PHEX: variants seen among roughly 807,000 people sequenced by gnomAD.
PHEX encodes phosphate regulating endopeptidase X-linked.
A neutral mutation model predicts 68.0 loss-of-function variants in PHEX; 16 were observed. The observed-to-expected ratio is 0.24, with a 90% CI of 0.16 to 0.36. The LOEUF (loss-of-function observed/expected upper bound fraction) is 0.36, where lower values mean the gene tolerates loss of function less well. Ranked by LOEUF, PHEX falls within the 10% of genes least tolerant of loss-of-function variation. The probability of loss-of-function intolerance (pLI) is 1.00; values close to 1 mark genes in which losing one functional copy is unlikely to be tolerated. For missense variants in PHEX, 480 were observed against 575.5 expected, an observed-to-expected ratio of 0.83 and a Z score of 1.70; for synonymous variants, 208 against 205.1, an observed-to-expected ratio of 1.01 and a Z score of -0.12.
intron 12 of PHEX, among the ~76,000 whole-genome samples, chrX:22,156,257 G>A (rs750452657): frequency 9.0e-6 from 1 of 110,627 alleles, no homozygotes; most frequent in East Asian, 2.9e-4. Flanking sequence ...GGACCTAACA[G>A]AAAGTCAGGC....
chrX:22,131,983 C>T (rs1157369453), intron 11 of PHEX, among the ~76,000 whole-genome samples: 1 of 112,358 alleles, frequency 8.9e-6, no homozygotes, highest in Non-Finnish European at 1.9e-5. Flanking sequence ...ACACCGGCAG[C>T]AAAGCCAGGC....
At chrX:22,093,883 G>T (rs751780198) in intron 6 of PHEX, 100 bp from the exon 7 acceptor site, 8 of 543,671 alleles carry the variant, frequency 1.5e-5, no homozygotes, top group South Asian at 1.1e-4. Flanking sequence ...GAAAATAAAA[G>T]ACATTTATTT....
intron 7 of PHEX, 23 bp from the exon 8 acceptor site, chrX:22,096,932 T>C (rs778909953): frequency 7.0e-6 from 8 of 1,135,504 alleles, no homozygotes; most frequent in Non-Finnish European, 9.7e-6. Flanking sequence ...TGAAAAAAAA[T>C]AACAAAAATC....
intron 12 of PHEX, among the ~76,000 whole-genome samples, chrX:22,141,778 A>T (rs926152145): frequency 8.9e-6 from 1 of 112,374 alleles, no homozygotes; most frequent in Non-Finnish European, 1.9e-5. Flanking sequence ...AAAAAGTTCT[A>T]GTTCCATCAT....
At chrX:22,108,316 C>G (rs1288063905) in intron 9 of PHEX, among the ~76,000 whole-genome samples, 1 of 110,788 alleles carries the variant, frequency 9.0e-6, no homozygotes, top group African/African-American at 3.3e-5. Context: ...AATAATTAGG[C>G]TTTATACAGA....
intron 12 of PHEX, among the ~76,000 whole-genome samples, chrX:22,138,013 GC>G (rs770723451): frequency 1.8e-5 from 2 of 112,507 alleles, no homozygotes; most frequent in East Asian, 5.6e-4. Flanking sequence ...GGCTCTGGGA[GC>G]TTTTCCAATG....
chrX:22,209,818 C>T lies in PHEX; in HGVS notation c.1646-3086C>T, dbSNP rs908094319. Among the ~76,000 whole-genome samples the T allele has an allele frequency of 5.7e-5, 6 of 105,677 alleles. No homozygotes were observed. The East Asian group carries it at 1.5e-3, about 26-fold the overall frequency. 91.8% of individuals were successfully genotyped at this position (105,677 alleles called of 115,157 possible). A position where few individuals can be genotyped will look rare whatever the true frequency, so the allele number is the denominator to read the frequency against. On this transcript the variant is annotated intron_variant, in intron 15 of 21. Transcript: ENST00000379374. ...CTCCCTCTCCCTCTCCCTCTCCTCCCTCTGTCTCCTCCCCCACCTCCACAG... is the reference window on the plus strand; with the variant it reads ...CTCCCTCTCCCTCTCCCTCTCCTCCTTCTGTCTCCTCCCCCACCTCCACAG...
intron 3 of PHEX, among the ~76,000 whole-genome samples, chrX:22,075,712 A>C (rs1771964842): frequency 8.9e-6 from 1 of 112,226 alleles, no homozygotes; most frequent in African/African-American, 3.2e-5. Flanking sequence ...TTTTATAAAT[A>C]GAAAATTATT....
intron 9 of PHEX, among the ~76,000 whole-genome samples, chrX:22,110,388 A>AT (rs958292410): frequency 8.9e-6 from 1 of 111,750 alleles, no homozygotes; most frequent in African/African-American, 3.3e-5. Flanking sequence ...AAGTAAGATA[A>AT]TTTTTTTTGA....
chrX:22,073,427 G>A (rs1181797696), intron 3 of PHEX, among the ~76,000 whole-genome samples: 2 of 111,541 alleles, frequency 1.8e-5, no homozygotes, highest in Non-Finnish European at 3.8e-5. Flanking sequence ...ATTCCAGCTA[G>A]CAAGTTGCAG....
At chrX:22,238,203 C>T (rs761890525) in intron 20 of PHEX, among the ~76,000 whole-genome samples, 3 of 111,795 alleles carry the variant, frequency 2.7e-5, no homozygotes, top group Non-Finnish European at 3.8e-5. Flanking sequence ...ACACAGAAGG[C>T]GGGTGATTTC....
intron 12 of PHEX, among the ~76,000 whole-genome samples, chrX:22,160,651 G>C (rs1276787688): frequency 9.0e-6 from 1 of 110,532 alleles, no homozygotes; most frequent in Non-Finnish European, 1.9e-5. Context: ...ACTATCAAGA[G>C]AACAGCACAG....
intron 21 of PHEX, among the ~76,000 whole-genome samples, chrX:22,247,617 T>A (rs949429511): frequency 1.8e-5 from 2 of 112,401 alleles, no homozygotes; most frequent in African/African-American, 6.5e-5. Context: ...AAAAGAATTT[T>A]GAAGACTGTT....
At chrX:22,153,167 T>C (rs2147104458) in intron 12 of PHEX, among the ~76,000 whole-genome samples, 1 of 110,839 alleles carries the variant, frequency 9.0e-6, no homozygotes, top group East Asian at 2.9e-4. Flanking sequence ...AATTTATTTT[T>C]TTGTAAAGAT....
chrX:22,094,054 G>C lies in PHEX; in HGVS notation c.804G>C (p.Glu268Asp). ...VLLGANSSRAEHDMKSVLRLE... is the reference protein window; with the variant it reads ...VLLGANSSRADHDMKSVLRLE... The stretch of plus-strand genomic sequence containing the variant: ...TAGGAGCTAACAGTTCCAGAGCAGA[G>C]CATGACATGAAGTCAGTGCTCAGAT... The change falls in exon 7 of 22, where the codon GAG becomes GAC. Residue 268 changes from glutamate to aspartate, a missense_variant. Glu to Asp is a conservative substitution (Grantham distance 45). Coordinates refer to ENST00000379374, the MANE Select transcript of PHEX (RefSeq NM_000444.6). 8.3e-7 allele frequency: 1 copy of C among 1,199,994 alleles called. No individual in the cohort carries two copies. Among genetic ancestry groups the C allele is most frequent in the Non-Finnish European group, 1.1e-6 (1 of 885,614 alleles).
chrX:22,106,360 T>C (rs1219948384), intron 9 of PHEX, among the ~76,000 whole-genome samples: 1 of 111,997 alleles, frequency 8.9e-6, no homozygotes, highest in Non-Finnish European at 1.9e-5. Context: ...TGCTATCACC[T>C]TTGTAATGCC....
intron 12 of PHEX, among the ~76,000 whole-genome samples, chrX:22,150,961 C>T (rs180690721): frequency 8.9e-5 from 10 of 111,895 alleles, no homozygotes; most frequent in African/African-American, 2.3e-4. Context: ...ATGTGGCCCA[C>T]GGGCATCTCA....
At chrX:22,207,299 C>T (rs1156311600) in intron 15 of PHEX, among the ~76,000 whole-genome samples, 1 of 112,095 alleles carries the variant, frequency 8.9e-6, no homozygotes, top group Non-Finnish European at 1.9e-5. Flanking sequence ...GTGGTATAAC[C>T]ACAATTTGTA....
intron 20 of PHEX, among the ~76,000 whole-genome samples, chrX:22,245,072 G>A (rs1208538592): frequency 1.8e-5 from 2 of 111,821 alleles, no homozygotes; most frequent in East Asian, 2.8e-4. Flanking sequence ...GCACATATAC[G>A]ATTCTCTTGA....
Sources: allele counts gnomAD v4.1 joint callset (sites outside exome capture counted in the v4.1 genomes callset), GRCh38; gene constraint gnomAD v4.1.1; transcripts MANE v1.5; gene names NCBI Gene and HGNC (gene_info 2026-07-23, HGNC 2026-07-21).